C13orf42: variants seen among roughly 807,000 people sequenced by gnomAD.
C13orf42 encodes the protein chromosome 13 open reading frame 42.
At chr13:51,119,007 C>G (rs760162149) in intron 1 of C13orf42, among the ~76,000 whole-genome samples, 5 of 151,150 alleles carry the variant, frequency 3.3e-5, no homozygotes, top group Admixed American at 6.6e-5. Flanking sequence ...AGGTGTACGG[C>G]ATGCCCAAGA....
chr13:51,135,988 C>T (rs994556824), intron 1 of C13orf42, among the ~76,000 whole-genome samples: 2 of 152,160 alleles, frequency 1.3e-5, no homozygotes, highest in African/African-American at 4.8e-5. Flanking sequence ...GAGGGTAAAC[C>T]CGAGATTAGC....
At chr13:51,089,477 G>A (rs1483380534) in intron 1 of C13orf42, among the ~76,000 whole-genome samples, 1 of 152,010 alleles carries the variant, frequency 6.6e-6, no homozygotes, top group Non-Finnish European at 1.5e-5. Flanking sequence ...GATAGTGAGT[G>A]AGTTCTCATG....
intron 1 of C13orf42, among the ~76,000 whole-genome samples, chr13:51,145,821 G>T (rs1593551251): frequency 6.6e-6 from 1 of 152,234 alleles, no homozygotes; most frequent in East Asian, 1.9e-4. Context: ...TTTCCAGACC[G>T]AACCAATGTA....
chr13:51,135,819 C>T (rs529275234), intron 1 of C13orf42, among the ~76,000 whole-genome samples: 10 of 152,178 alleles, frequency 6.6e-5, no homozygotes, highest in African/African-American at 2.2e-4. Context: ...TGGTCAGAGG[C>T]AGTTCCTCTC....
At chr13:51,160,270 T>G (rs1172771261) in intron 1 of C13orf42, among the ~76,000 whole-genome samples, 1 of 152,216 alleles carries the variant, frequency 6.6e-6, no homozygotes, top group East Asian at 1.9e-4. Context: ...CCCAGCATTT[T>G]GGGAGGCCGA....
intron 1 of C13orf42, among the ~76,000 whole-genome samples, chr13:51,153,261 C>T (rs776305254): frequency 6.6e-6 from 1 of 152,064 alleles, no homozygotes; most frequent in South Asian, 2.1e-4. Context: ...TCCATAGGGT[C>T]CTGCTGAGCA....
At position 51,082,661 on chromosome 13, in the gene C13orf42, A is replaced by C. The variant is rs567809043; in HGVS notation, c.*1490T>G. On this transcript the variant is annotated 3_prime_UTR_variant, in exon 4 of 4. Transcript: ENST00000563710. Reference sequence around the variant, plus strand: ...TGCTTTAATGCAGTTTATAAAACAAATCTCCTAAACATTTACTTTCCAGTC... The same window carrying C: ...TGCTTTAATGCAGTTTATAAAACAACTCTCCTAAACATTTACTTTCCAGTC... The C allele has an allele frequency of 6.6e-6, 1 of 152,232 alleles. No individual in the cohort carries two copies. The highest frequency in any genetic ancestry group is 1.5e-5 in the Non-Finnish European group (1 of 68,048). 9.4% of individuals were successfully genotyped at this position (152,232 alleles called of 1,614,324 possible).
At chr13:51,153,375 TG>T (rs1181989501) in intron 1 of C13orf42, among the ~76,000 whole-genome samples, 1 of 152,010 alleles carries the variant, frequency 6.6e-6, no homozygotes, top group East Asian at 1.9e-4. Context: ...TATAAGTGTC[TG>T]CACTCACCCA....
chr13:51,093,503 A>G (rs1189722250), intron 1 of C13orf42, among the ~76,000 whole-genome samples: 1 of 152,204 alleles, frequency 6.6e-6, no homozygotes, highest in Non-Finnish European at 1.5e-5. Flanking sequence ...TTAAATAGCC[A>G]TATGTGACTG....
chr13:51,106,265 G>C (rs1473935416), intron 1 of C13orf42, among the ~76,000 whole-genome samples: 1 of 152,130 alleles, frequency 6.6e-6, no homozygotes. Flanking sequence ...AAGAAAAGAA[G>C]CCCAGTCTCT....
chr13:51,154,419 AAATTATAC>A (rs58702118), intron 1 of C13orf42, among the ~76,000 whole-genome samples: 53,139 of 151,568 alleles, frequency 0.35, 9,397 homozygotes, highest in African/African-American at 0.41. Context: ...TGGGCTGTTT[AAATTATAC>A]AATTATACAG....
chr13:51,155,115 A>G (rs1953814936), intron 1 of C13orf42, among the ~76,000 whole-genome samples: 1 of 152,204 alleles, frequency 6.6e-6, no homozygotes, highest in South Asian at 2.1e-4. Context: ...AAAGGAGTTC[A>G]TGTAAAATGA....
intron 1 of C13orf42, among the ~76,000 whole-genome samples, chr13:51,153,042 C>G (rs1953791944): frequency 6.6e-6 from 1 of 152,212 alleles, no homozygotes; most frequent in South Asian, 2.1e-4. Flanking sequence ...GCCCCACACA[C>G]AGAAGGGATT....
At chr13:51,138,753 T>A (rs1332061538) in intron 1 of C13orf42, among the ~76,000 whole-genome samples, 2 of 152,134 alleles carry the variant, frequency 1.3e-5, no homozygotes, top group Non-Finnish European at 2.9e-5. Context: ...CCAAAAGAAT[T>A]GAAATCAGAA....
chr13:51,171,310 T>A (rs905621573), intron 1 of C13orf42, among the ~76,000 whole-genome samples: 1 of 152,138 alleles, frequency 6.6e-6, no homozygotes, highest in Non-Finnish European at 1.5e-5. Context: ...AATTTTTCCA[T>A]CCTGCAAAAT....
intron 1 of C13orf42, among the ~76,000 whole-genome samples, chr13:51,148,835 G>A (rs1566139409): frequency 1.3e-5 from 2 of 152,228 alleles, no homozygotes; most frequent in Non-Finnish European, 2.9e-5. Context: ...GACCGTTTGG[G>A]CTTGCTGCTG....
At chr13:51,106,089 T>C (rs992917532) in intron 1 of C13orf42, among the ~76,000 whole-genome samples, 1 of 152,212 alleles carries the variant, frequency 6.6e-6, no homozygotes, top group African/African-American at 2.4e-5. Context: ...GTAGATGATA[T>C]ACAAACTCAA....
chr13:51,090,096 C>T (rs1953166938), intron 1 of C13orf42, among the ~76,000 whole-genome samples: 1 of 152,104 alleles, frequency 6.6e-6, no homozygotes. Context: ...CTTAGTGCAG[C>T]AGGCCCAGCT....
intron 1 of C13orf42, among the ~76,000 whole-genome samples, chr13:51,126,541 T>C (rs576804082): frequency 2.8e-4 from 42 of 152,348 alleles, no homozygotes; most frequent in African/African-American, 9.9e-4. Flanking sequence ...TTTGTTAAAT[T>C]GTCCACATGC....
Sources: allele counts gnomAD v4.1 joint callset (sites outside exome capture counted in the v4.1 genomes callset), GRCh38; gene constraint gnomAD v4.1.1; transcripts MANE v1.5; gene names NCBI Gene and HGNC (gene_info 2026-07-23, HGNC 2026-07-21).